RBFOX2: variants seen among roughly 807,000 people sequenced by gnomAD.
The protein encoded by RBFOX2 is RNA binding fox-1 homolog 2, also known as RNA binding protein fox-1 homolog 2.
In RBFOX2, 10 loss-of-function variants were observed where a neutral mutation model predicts 49.1. The ratio of observed to expected loss-of-function variants is 0.20; its 90% confidence interval spans 0.13 to 0.35. RBFOX2 has a LOEUF of 0.35. RBFOX2 is among the 10% of genes least tolerant of loss of function. The pLI, the probability that RBFOX2 is intolerant of heterozygous loss-of-function variation, is 1.00. For synonymous variants in RBFOX2, 183 were observed against 187.4 expected (o/e 0.98, Z 0.19); for missense variants, 323 against 486.9 (o/e 0.66, Z 3.17).
chr22:35,938,751 G>GT, intron 1 of RBFOX2, 96 bp downstream of exon 2: 1 of 1,187,366 alleles, frequency 8.4e-7, no homozygotes, highest in Non-Finnish European at 1.2e-6. Context: ...TCCTTTCAAA[G>GT]TAAGTAATTT....
intron 1 of RBFOX2, among the ~76,000 whole-genome samples, chr22:35,985,032 T>C (rs1292933906): frequency 6.6e-6 from 1 of 152,154 alleles, no homozygotes; most frequent in Non-Finnish European, 1.5e-5. Context: ...TTCCAGATGA[T>C]GCGAAGAAAA....
At chr22:35,781,873 C>T (rs1282104576) in intron 2 of RBFOX2, 127 bp from the exon 4 acceptor site, 2 of 1,034,418 alleles carry the variant, frequency 1.9e-6, no homozygotes, top group Non-Finnish European at 1.4e-6. Context: ...CCTTCAAAGA[C>T]AAAAGCAACA....
At chr22:35,889,352 C>T (rs2046975283) in intron 1 of RBFOX2, among the ~76,000 whole-genome samples, 1 of 152,126 alleles carries the variant, frequency 6.6e-6, no homozygotes. Flanking sequence ...AGCAATATTT[C>T]CTCTTGAACA....
chr22:35,842,511 G>C (rs1254281459), upstream of RBFOX2, among the ~76,000 whole-genome samples: 1 of 152,144 alleles, frequency 6.6e-6, no homozygotes, highest in East Asian at 1.9e-4. Context: ...TTCACTGGAA[G>C]CAAGAGCAAC....
At chr22:35,837,532 C>A (rs935380292) in intron 1 of RBFOX2, among the ~76,000 whole-genome samples, 1 of 152,054 alleles carries the variant, frequency 6.6e-6, no homozygotes, top group Non-Finnish European at 1.5e-5. Context: ...CACACGCAGG[C>A]ACAACACAAC....
At chr22:35,902,706 G>A (rs928965230) in intron 1 of RBFOX2, among the ~76,000 whole-genome samples, 1 of 151,692 alleles carries the variant, frequency 6.6e-6, no homozygotes, top group Non-Finnish European at 1.5e-5. Flanking sequence ...GTGCAGTGGT[G>A]CGATCATGGC....
chr22:35,770,236 CAG>C (rs1461309861), intron 4 of RBFOX2, among the ~76,000 whole-genome samples: 1 of 152,128 alleles, frequency 6.6e-6, no homozygotes, highest in Non-Finnish European at 1.5e-5. Flanking sequence ...AGAAAGGTCA[CAG>C]AGTGATGAGT....
intron 1 of RBFOX2, among the ~76,000 whole-genome samples, chr22:35,863,421 T>G (rs1032445030): frequency 6.6e-6 from 1 of 152,018 alleles, no homozygotes; most frequent in Non-Finnish European, 1.5e-5. Context: ...CGAAAAACAA[T>G]AAGAAGCCAT....
intron 1 of RBFOX2, among the ~76,000 whole-genome samples, chr22:35,986,286 A>G (rs1221536626): frequency 1.3e-5 from 2 of 152,162 alleles, no homozygotes; most frequent in Admixed American, 6.6e-5. Flanking sequence ...CAGGAATTTG[A>G]TATGAACAGC....
intron 1 of RBFOX2, among the ~76,000 whole-genome samples, chr22:35,983,271 G>A (rs1216390468): frequency 6.6e-6 from 1 of 152,102 alleles, no homozygotes; most frequent in African/African-American, 2.4e-5. Context: ...CTCTACTTTA[G>A]CTCTAATCCA....
At chr22:35,879,172 A>C (rs2045552297) in intron 1 of RBFOX2, among the ~76,000 whole-genome samples, 1 of 152,248 alleles carries the variant, frequency 6.6e-6, no homozygotes, top group African/African-American at 2.4e-5. Flanking sequence ...ATCTGGAGAG[A>C]AGCATTACAG....
chr22:35,836,875 T>C (rs1957772977), intron 1 of RBFOX2, among the ~76,000 whole-genome samples: 1 of 152,238 alleles, frequency 6.6e-6, no homozygotes, highest in Non-Finnish European at 1.5e-5. Context: ...ATTTTACACA[T>C]AGTACAAGAA....
intron 2 of RBFOX2, among the ~76,000 whole-genome samples, chr22:35,783,930 C>T (rs1349373580): frequency 1.3e-5 from 2 of 152,188 alleles, no homozygotes; most frequent in Non-Finnish European, 2.9e-5. Context: ...CCAGTGAAGA[C>T]AGGCACACCC....
chr22:36,024,235 G>C (rs2059346742), intron 1 of RBFOX2, among the ~76,000 whole-genome samples: 1 of 152,122 alleles, frequency 6.6e-6, no homozygotes, highest in Non-Finnish European at 1.5e-5. Context: ...ACCCAAAACT[G>C]TTAGGTATTA....
chr22:35,915,368 AG>A (rs1231028419), intron 1 of RBFOX2, among the ~76,000 whole-genome samples: 2 of 152,236 alleles, frequency 1.3e-5, no homozygotes, highest in African/African-American at 4.8e-5. Flanking sequence ...TTCTTTCCCC[AG>A]GGGAGAATGC....
At chr22:35,908,978 G>A (rs1271261458) in intron 1 of RBFOX2, among the ~76,000 whole-genome samples, 1 of 151,980 alleles carries the variant, frequency 6.6e-6, no homozygotes, top group Non-Finnish European at 1.5e-5. Flanking sequence ...AAGTAGCTGG[G>A]ACTACAGGCG....
At chr22:35,840,210 T>C in exon 1 of RBFOX2, 1 of 1,614,124 alleles carries the variant, frequency 6.2e-7, no homozygotes, top group Non-Finnish European at 8.5e-7. Context: ...CCATTTTCTT[T>C]TTCTCCATAA....
At chr22:35,911,022 A>C (rs2049757179) in intron 1 of RBFOX2, among the ~76,000 whole-genome samples, 1 of 152,202 alleles carries the variant, frequency 6.6e-6, no homozygotes, top group East Asian at 1.9e-4. Context: ...AGCTATAACC[A>C]TGACAAAAAT....
chr22:35,865,167 G>A (rs1421469726), intron 1 of RBFOX2, among the ~76,000 whole-genome samples: 1 of 151,982 alleles, frequency 6.6e-6, no homozygotes, highest in East Asian at 1.9e-4. Context: ...GTATATCTCG[G>A]CCCTTGGAAA....
Sources: gnomAD v4.1 joint callset for allele counts (sites outside exome capture counted in the v4.1 genomes callset) on GRCh38, gnomAD v4.1.1 for gene constraint, MANE v1.5 for transcripts, NCBI Gene and HGNC (gene_info 2026-07-23, HGNC 2026-07-21) for gene names.